EIF4B: variants seen among roughly 807,000 people sequenced by gnomAD.
The protein encoded by EIF4B is eukaryotic translation initiation factor 4B.
A neutral mutation model predicts 79.3 loss-of-function variants in EIF4B; 8 were observed. The observed-to-expected ratio is 0.10, with a 90% CI of 0.06 to 0.18. The LOEUF is 0.18. EIF4B is among the 10% of genes least tolerant of loss of function. The pLI, the probability that EIF4B is intolerant of heterozygous loss-of-function variation, is 1.00. For missense variants in EIF4B, 515 were observed against 792.4 expected (o/e 0.65, Z 4.20); for synonymous variants, 238 against 274.7 (o/e 0.87, Z 1.32).
chr12:53,017,937 T>C (rs998863682), intron 2 of EIF4B, among the ~76,000 whole-genome samples: 4 of 152,234 alleles, frequency 2.6e-5, no homozygotes, highest in African/African-American at 9.6e-5. Context: ...GGTGTTGGTA[T>C]CTGAAGTACA....
chr12:53,011,213 GCCA>G (rs1354059064), intron 1 of EIF4B, among the ~76,000 whole-genome samples: 1 of 152,146 alleles, frequency 6.6e-6, no homozygotes, highest in Non-Finnish European at 1.5e-5. Context: ...GCTGCAGTGA[GCCA>G]TTATCTCACT....
intron 8 of EIF4B, among the ~76,000 whole-genome samples, chr12:53,029,174 A>AT (rs749776956): frequency 1.4e-4 from 22 of 152,006 alleles, no homozygotes; most frequent in Non-Finnish European, 5.9e-5. Context: ...ATTGATGTTC[A>AT]TTAATTATAA....
At chr12:53,030,627 G>A (rs1036897153) in intron 8 of EIF4B, among the ~76,000 whole-genome samples, 10 of 151,472 alleles carry the variant, frequency 6.6e-5, no homozygotes, top group African/African-American at 2.4e-4. Context: ...GGCCAGGATG[G>A]TCTGGATCTC....
chr12:53,022,138 G>T, intron 5 of EIF4B: 1 of 652,946 alleles, frequency 1.5e-6, no homozygotes, highest in Non-Finnish European at 2.7e-6. Flanking sequence ...AGCCCAAAAT[G>T]CATGTCAAGA....
At position 53,028,261 on chromosome 12, in the gene EIF4B, C is replaced by T. The variant is rs181067534; in HGVS notation, c.979+73C>T. 237 of 1,507,548 alleles carry T rather than the reference C, an allele frequency of 1.6e-4. No individual in the cohort carries two copies. In the African/African-American group the frequency reaches 1.6e-3, roughly 10 times the overall value. 93.4% of individuals were successfully genotyped at this position (1,507,548 alleles called of 1,614,324 possible). A position where few individuals can be genotyped will look rare whatever the true frequency, so the allele number is the denominator to read the frequency against. ...CTACGGAAAATTTGTGATTGTGTTA[C>T]GAACTACTGAGTTGGGCACAAATAT... is the stretch of plus-strand genomic sequence containing the variant. On this transcript the variant is annotated intron_variant, in intron 8 of 14. Transcript: ENST00000262056.
At chr12:53,018,013 G>A (rs1029549787) in intron 2 of EIF4B, among the ~76,000 whole-genome samples, 1 of 152,156 alleles carries the variant, frequency 6.6e-6, no homozygotes, top group African/African-American at 2.4e-5. Context: ...GTTTTCAGAT[G>A]GAGTCTCACT....
intron 5 of EIF4B, 27 bp from the exon 6 acceptor site, chr12:53,022,466 A>G: frequency 6.2e-7 from 1 of 1,608,154 alleles, no homozygotes; most frequent in Non-Finnish European, 8.5e-7. Context: ...GAGATAACTT[A>G]CGGTTTTTGT....
intron 2 of EIF4B, among the ~76,000 whole-genome samples, chr12:53,018,085 G>T (rs563132709): frequency 6.6e-6 from 1 of 152,102 alleles, no homozygotes; most frequent in Non-Finnish European, 1.5e-5. Flanking sequence ...GCCGCCTCCC[G>T]GTTCAATAGA....
intron 3 of EIF4B, among the ~76,000 whole-genome samples, chr12:53,019,437 A>ATTTTTTT (rs1337954535): frequency 2.0e-5 from 1 of 51,002 alleles, no homozygotes; most frequent in African/African-American, 6.6e-5. Context: ...ATATATATAT[A>ATTTTTTT]TTTTTTTTTT....
chr12:53,025,821 TC>T (rs1282099762), intron 6 of EIF4B, among the ~76,000 whole-genome samples: 2 of 152,086 alleles, frequency 1.3e-5, no homozygotes, highest in Non-Finnish European at 2.9e-5. Flanking sequence ...AAGAAAAAGA[TC>T]CCTGGCCGGG....
At chr12:53,032,669 G>GTTTT (rs779279397) in intron 8 of EIF4B, among the ~76,000 whole-genome samples, 3 of 132,310 alleles carry the variant, frequency 2.3e-5, no homozygotes, top group Non-Finnish European at 3.3e-5. Context: ...GGGTTTTTTT[G>GTTTT]TTTTTTTTTT....
intron 4 of EIF4B, among the ~76,000 whole-genome samples, chr12:53,021,267 C>A (rs955900678): frequency 9.2e-5 from 14 of 152,236 alleles, no homozygotes; most frequent in South Asian, 2.1e-4. Context: ...TTTGCTGGTA[C>A]ATAGTAGTAG....
At chr12:53,033,008 T>C (rs1472085361) in intron 8 of EIF4B, among the ~76,000 whole-genome samples, 1 of 149,778 alleles carries the variant, frequency 6.7e-6, no homozygotes, top group Non-Finnish European at 1.5e-5. Flanking sequence ...TTTATTTTTA[T>C]TTATTTTTAT....
intron 10 of EIF4B, among the ~76,000 whole-genome samples, chr12:53,034,952 CTCTCTT>C (rs1461569633): frequency 3.5e-5 from 4 of 113,674 alleles, no homozygotes; most frequent in Non-Finnish European, 5.7e-5. Flanking sequence ...AGGTTTGTCT[CTCTCTT>C]TTTTTTTTTT....
rs768590359 is a variant in EIF4B at position 53,015,603 on chromosome 12, A to G, written c.14-870A>G. On this transcript the variant is annotated intron_variant, in intron 1 of 14. Coordinates refer to ENST00000262056, the MANE Select transcript of EIF4B (RefSeq NM_001417.7). ...GAGGCTGTGGGAGGATCACATGAGC[A>G]TGGGAGGGTTGAGGCTTCAGATAGC... Among the ~76,000 whole-genome samples, 8 of 151,836 alleles carry G rather than the reference A, an allele frequency of 5.3e-5. No homozygotes were observed. The South Asian group carries it at 8.3e-4, about 16-fold the overall frequency.
intron 1 of EIF4B, 62 bp downstream of exon 1, chr12:53,006,558 C>T: frequency 1.2e-6 from 2 of 1,611,862 alleles, no homozygotes; most frequent in Non-Finnish European, 1.7e-6. Context: ...GAGCGTGATC[C>T]ACTGATTTCC....
chr12:53,022,763 T>G (rs549646223), intron 6 of EIF4B, 136 bp downstream of exon 6: 1 of 1,150,754 alleles, frequency 8.7e-7, no homozygotes, highest in East Asian at 2.8e-5. Flanking sequence ...TTTTGGATAG[T>G]ATCTGAAAGA....
intron 8 of EIF4B, among the ~76,000 whole-genome samples, chr12:53,033,208 G>A (rs1209057207): frequency 3.3e-5 from 5 of 150,644 alleles, no homozygotes; most frequent in African/African-American, 4.9e-5. Context: ...TACTAGAGAC[G>A]GGGTTTCTCC....
chr12:53,019,235 CT>C (rs1422213390), intron 3 of EIF4B, among the ~76,000 whole-genome samples: 2 of 151,804 alleles, frequency 1.3e-5, no homozygotes, highest in Non-Finnish European at 2.9e-5. Context: ...CCTGTCTCTA[CT>C]AAGAATACAA....
Sources: gnomAD v4.1 joint callset for allele counts (sites outside exome capture counted in the v4.1 genomes callset) on GRCh38, gnomAD v4.1.1 for gene constraint, MANE v1.5 for transcripts, NCBI Gene and HGNC (gene_info 2026-07-23, HGNC 2026-07-21) for gene names.